Variants in AFF2 observed in about 807,000 individuals in gnomAD.
The protein encoded by AFF2 is AF4/FMR2 family member 2.
Under a neutral mutation model 76.9 loss-of-function variants are expected in AFF2, and 14 were observed. The observed-to-expected ratio is 0.18, with a 90% CI of 0.12 to 0.28. The LOEUF is 0.28. AFF2 is among the 10% of genes least tolerant of loss of function. The probability of loss-of-function intolerance (pLI) is 1.00; values close to 1 mark genes in which losing one functional copy is unlikely to be tolerated. For missense variants in AFF2, 868 were observed against 1,001.1 expected (o/e 0.87, Z 1.79); for synonymous variants, 398 against 366.7 (o/e 1.09, Z -0.98).
At chrX:148,632,820 T>C (rs1557253213) in intron 1 of AFF2, among the ~76,000 whole-genome samples, 1 of 111,809 alleles carries the variant, frequency 8.9e-6, no homozygotes, top group Non-Finnish European at 1.9e-5. Flanking sequence ...CTGTTTTACA[T>C]GTGAGGAAGC....
chrX:148,867,682 T>A (rs1225785103), intron 7 of AFF2, among the ~76,000 whole-genome samples: 1 of 112,111 alleles, frequency 8.9e-6, no homozygotes, highest in Non-Finnish European at 1.9e-5. Flanking sequence ...TGTGTTCAGA[T>A]ACTGTGGAAA....
intron 19 of AFF2, among the ~76,000 whole-genome samples, chrX:148,985,270 GC>G (rs1261250711): frequency 4.6e-5 from 4 of 87,047 alleles, no homozygotes; most frequent in Non-Finnish European, 6.4e-5. Context: ...ACAGGCATGA[GC>G]CCCTGTGCCT....
intron 1 of AFF2, among the ~76,000 whole-genome samples, chrX:148,579,478 A>G (rs2053329915): frequency 1.6e-5 from 1 of 61,910 alleles, no homozygotes; most frequent in Non-Finnish European, 3.2e-5. Flanking sequence ...TGTATATCAC[A>G]GCTACACGTT....
chrX:148,696,238 G>A (rs2054720355), intron 3 of AFF2, among the ~76,000 whole-genome samples: 2 of 106,718 alleles, frequency 1.9e-5, no homozygotes, highest in South Asian at 8.7e-4. Flanking sequence ...TCATAGGTGG[G>A]AATTGAACAA....
At chrX:148,822,806 A>G (rs1171159608) in intron 4 of AFF2, among the ~76,000 whole-genome samples, 1 of 110,256 alleles carries the variant, frequency 9.1e-6, no homozygotes, top group Non-Finnish European at 1.9e-5. Flanking sequence ...ATTGGAATGA[A>G]CACACTAACA....
intron 1 of AFF2, among the ~76,000 whole-genome samples, chrX:148,509,576 T>C (rs1319561682): frequency 8.9e-6 from 1 of 112,288 alleles, no homozygotes; most frequent in East Asian, 2.8e-4. Flanking sequence ...GTGTTTTTTT[T>C]CTGAAATAAT....
intron 3 of AFF2, among the ~76,000 whole-genome samples, chrX:148,704,017 T>G (rs2054834903): frequency 1.9e-5 from 2 of 106,357 alleles, no homozygotes. Context: ...CACCTCAGCC[T>G]CCCAAGTAGC....
chrX:148,633,792 AT>A (rs781980438), intron 1 of AFF2, among the ~76,000 whole-genome samples: 1 of 112,668 alleles, frequency 8.9e-6, no homozygotes, highest in East Asian at 2.8e-4. Flanking sequence ...ATTCATGAGC[AT>A]TTTAAGTGAA....
At chrX:148,664,921 C>G (rs1557258287) in intron 3 of AFF2, among the ~76,000 whole-genome samples, 1 of 112,373 alleles carries the variant, frequency 8.9e-6, no homozygotes, top group Non-Finnish European at 1.9e-5. Context: ...GCCATAATTT[C>G]TACTGAATGA....
chrX:148,924,985 A>T (rs2124276700), intron 9 of AFF2, among the ~76,000 whole-genome samples: 1 of 112,637 alleles, frequency 8.9e-6, no homozygotes, highest in South Asian at 3.7e-4. Flanking sequence ...CCATTCCATC[A>T]AACAGTAATA....
At chrX:148,916,653 A>G (rs1905978027) in intron 9 of AFF2, among the ~76,000 whole-genome samples, 1 of 112,297 alleles carries the variant, frequency 8.9e-6, no homozygotes, top group Admixed American at 9.4e-5. Context: ...GAGGAATTTT[A>G]CAAGGCTTTG....
chrX:148,739,440 C>T (rs943751223), intron 3 of AFF2, among the ~76,000 whole-genome samples: 1 of 111,250 alleles, frequency 9.0e-6, no homozygotes, highest in African/African-American at 3.3e-5. Context: ...ATAGCTACCC[C>T]CTGCTTTACC....
At chrX:148,949,658 T>C (rs923712156) in intron 9 of AFF2, among the ~76,000 whole-genome samples, 15 of 112,739 alleles carry the variant, frequency 1.3e-4, no homozygotes, top group Admixed American at 9.4e-5. Flanking sequence ...TCATTACAAA[T>C]GTGGGTCCTT....
intron 1 of AFF2, among the ~76,000 whole-genome samples, chrX:148,576,138 C>A (rs2053285120): frequency 9.0e-6 from 1 of 111,655 alleles, no homozygotes; most frequent in Non-Finnish European, 1.9e-5. Context: ...GCACCTATTA[C>A]AATTATTGTT....
chrX:148,603,969 T>A (rs2053651003), intron 1 of AFF2, among the ~76,000 whole-genome samples: 1 of 111,883 alleles, frequency 8.9e-6, no homozygotes, highest in African/African-American at 3.2e-5. Flanking sequence ...GTCTATTTCA[T>A]TTATTTATTG....
At chrX:148,767,313 A>G (rs2069531205) in intron 3 of AFF2, among the ~76,000 whole-genome samples, 1 of 111,644 alleles carries the variant, frequency 9.0e-6, no homozygotes, top group Non-Finnish European at 1.9e-5. Flanking sequence ...AACATTAATA[A>G]CTTAAATAAC....
At chrX:148,603,941 T>C (rs2053650645) in intron 1 of AFF2, among the ~76,000 whole-genome samples, 1 of 111,527 alleles carries the variant, frequency 9.0e-6, no homozygotes, top group Non-Finnish European at 1.9e-5. Flanking sequence ...ATTTATTCTT[T>C]ATTTTTTAGA....
chrX:148,849,750 G>A (rs1265404), intron 7 of AFF2, among the ~76,000 whole-genome samples: 2,607 of 111,499 alleles, frequency 0.023, 21 homozygotes, highest in Non-Finnish European at 0.036. Flanking sequence ...GAGACATTGA[G>A]TGAGTTGCTC....
intron 1 of AFF2, among the ~76,000 whole-genome samples, chrX:148,582,018 G>C (rs1386148634): frequency 9.0e-6 from 1 of 111,605 alleles, no homozygotes; most frequent in African/African-American, 3.3e-5. Context: ...TCATGTCCTT[G>C]ATATTTTTGA....
Sources: gnomAD v4.1 joint callset for allele counts (sites outside exome capture counted in the v4.1 genomes callset) on GRCh38, gnomAD v4.1.1 for gene constraint, MANE v1.5 for transcripts, NCBI Gene and HGNC (gene_info 2026-07-23, HGNC 2026-07-21) for gene names.